CSK: variants seen among roughly 807,000 people sequenced by gnomAD.
CSK encodes C-terminal Src kinase, also known as tyrosine-protein kinase CSK.
A neutral mutation model predicts 62.3 loss-of-function variants in CSK; 7 were observed. The observed-to-expected ratio is 0.11, with a 90% confidence interval of 0.06 to 0.21. The LOEUF (loss-of-function observed/expected upper bound fraction) is 0.21. Among genes scored for constraint, CSK ranks in the 10% least tolerant of loss-of-function variants. The probability of loss-of-function intolerance (pLI) is 1.00; values close to 1 mark genes in which losing one functional copy is unlikely to be tolerated. For missense variants in CSK, 294 were observed against 613.5 expected (o/e 0.48, Z 5.50); for synonymous variants, 237 against 246.0 (o/e 0.96, Z 0.34).
Position 74,803,043 on chromosome 15 carries a change from C to G in CSK, c.*530C>G, listed in dbSNP as rs1367091459. ...TCGGTCGCCCCGTGTTTGCGCTTGA[C>G]CATGTTGCACTGTTTGCATGCGCCC... On this transcript the variant is annotated 3_prime_UTR_variant, in exon 13 of 13. Coordinates refer to ENST00000220003, the MANE Select transcript of CSK (RefSeq NM_004383.3). The G allele has an allele frequency of 6.4e-6, 1 of 155,158 alleles. No individual in the cohort carries two copies. The highest frequency in any genetic ancestry group is 2.4e-5 in the African/African-American group (1 of 41,464). 9.6% of individuals were successfully genotyped at this position (155,158 alleles called of 1,614,324 possible).
chr15:74,796,944 T>TTATG lies in CSK; in HGVS notation c.-65-1286_-65-1285insGTAT, dbSNP rs530757150. ...GTTAACATTTTATTTATTTATTTAT[T>TTATG]TATTCATTCATTTAGAGGCAGGGTC... On this transcript the variant is annotated intron_variant, in intron 1 of 12. Coordinates refer to ENST00000220003, the MANE Select transcript of CSK (RefSeq NM_004383.3). Among the ~76,000 whole-genome samples the TTATG allele has an allele frequency of 2.6e-5, 4 of 152,286 alleles. No homozygotes were observed. The South Asian group carries it at 8.3e-4, about 32-fold the overall frequency.
intron 1 of CSK, among the ~76,000 whole-genome samples, chr15:74,786,013 T>TTGTGTG (rs1555464578): frequency 1.3e-4 from 6 of 47,818 alleles, no homozygotes; most frequent in African/African-American, 1.3e-4. Context: ...TTTTTTTTTT[T>TTGTGTG]TGTGTGTGTG....
intron 1 of CSK, among the ~76,000 whole-genome samples, chr15:74,789,684 A>G (rs1567215385): frequency 1.3e-5 from 2 of 152,008 alleles, no homozygotes; most frequent in African/African-American, 4.8e-5. Context: ...GCTCTGTACC[A>G]CAGTTTGCAG....
rs1394693400 is a variant in CSK, at chr15:74,798,758, C to A, written c.129+30C>A. ...TCAGGTGACGCCCACCCCACCATCC[C>A]ACTGCTGGGCCTTCCCTCTGCAGGG... is the stretch of plus-strand genomic sequence containing the variant. On this transcript the variant is annotated intron_variant, in intron 3 of 12. Transcript: ENST00000220003. This position sits in a 1 kb window ranked among gnomAD's most constrained non-coding sequence, Gnocchi z 6.6. 1 of 1,608,018 alleles carries A rather than the reference C, an allele frequency of 6.2e-7. No homozygotes were observed. Among genetic ancestry groups the A allele is most frequent in the South Asian group, 1.1e-5 (1 of 90,790 alleles).
chr15:74,788,445 G>A (rs2063558205), intron 1 of CSK: 1 of 152,304 alleles, frequency 6.6e-6, no homozygotes, highest in African/African-American at 2.4e-5. Flanking sequence ...CTCTGTCAGA[G>A]ATCACCAGTC....
intron 1 of CSK, among the ~76,000 whole-genome samples, chr15:74,789,766 C>T (rs1490022785): frequency 6.6e-6 from 1 of 152,220 alleles, no homozygotes; most frequent in Non-Finnish European, 1.5e-5. Flanking sequence ...AGCTCCTGCT[C>T]CCCTCACCCA....
At position 74,799,365 on chromosome 15, in the gene CSK, C is replaced by T; in HGVS notation, c.336C>T (p.Tyr112=). 6.2e-7 allele frequency: 1 copy of T among 1,613,482 alleles called. No homozygotes were observed. ...GLFLVRESTN[Y]PGDYTLCVSC... The stretch of plus-strand genomic sequence containing the variant: ...TCCTGGTGCGGGAGAGCACCAACTA[C>T]CCCGGAGACTACACGCTGTGCGTGA... The change falls in exon 5 of 13, where the codon TAC becomes TAT. Residue 112 remains tyrosine, a synonymous_variant. Coordinates refer to ENST00000220003, the MANE Select transcript of CSK (RefSeq NM_004383.3).
In CSK at chr15:74,802,780, C is replaced by A. The variant is rs1322101011; in HGVS notation, c.*267C>A. The A allele has an allele frequency of 1.2e-5, 5 of 424,300 alleles. No homozygotes were observed. The highest frequency in any genetic ancestry group is 2.1e-5 in the Non-Finnish European group (5 of 240,180). 26.3% of individuals were successfully genotyped at this position (424,300 alleles called of 1,614,324 possible). On this transcript the variant is annotated 3_prime_UTR_variant, in exon 13 of 13. Transcript: ENST00000220003. ...ACGTCGGGCTTCCCTGGCCTCCCGCCACTCGCCTTCTTAGAGTTTTATTCC... is the reference window on the plus strand; with the variant it reads ...ACGTCGGGCTTCCCTGGCCTCCCGCAACTCGCCTTCTTAGAGTTTTATTCC...
rs759665126 is a variant in CSK, at chr15:74,802,018, G to A, written c.1105G>A (p.Val369Met). ...REKKFSTKSD[V>M]WSFGILLWEI... ...GCAGAAATTCTCCACTAAGTCTGAC[G>A]TGTGGAGTTTCGGAATCCTTCTCTG... The change falls in exon 12 of 13, where the codon GTG becomes ATG. Residue 369 changes from valine (V) to methionine (M), a missense_variant. By Grantham distance (21) the Val-to-Met change is conservative (BLOSUM62 1). This residue lies in a region of CSK where 26 missense variants were observed against 98.4 expected (regional missense o/e 0.26). Coordinates refer to ENST00000220003, the MANE Select transcript of CSK (RefSeq NM_004383.3). 7.4e-6 allele frequency: 12 copies of A among 1,614,008 alleles called. No homozygotes were observed. The African/African-American group carries it at 8.0e-5, about 11-fold the overall frequency.
At chr15:74,783,109 T>G (rs1039831117) in intron 1 of CSK, among the ~76,000 whole-genome samples, 1 of 152,186 alleles carries the variant, frequency 6.6e-6, no homozygotes, top group African/African-American at 2.4e-5. Context: ...TGCCCTGGCT[T>G]GCTTGGTTCT....
chr15:74,787,607 A>G (rs2063543687), intron 1 of CSK, among the ~76,000 whole-genome samples: 1 of 151,958 alleles, frequency 6.6e-6, no homozygotes, highest in Admixed American at 6.6e-5. Flanking sequence ...TTGAGGTGCT[A>G]AGATGAAGTC....
chr15:74,796,805 C>T (rs1460387838), intron 1 of CSK, among the ~76,000 whole-genome samples: 1 of 152,154 alleles, frequency 6.6e-6, no homozygotes, highest in African/African-American at 2.4e-5. Context: ...GCATTCCTTC[C>T]AGTCTCCCTG....
chr15:74,793,942 A>C (rs913098480), intron 1 of CSK, among the ~76,000 whole-genome samples: 3 of 152,128 alleles, frequency 2.0e-5, no homozygotes, highest in Non-Finnish European at 2.9e-5. Flanking sequence ...TTGGGGGCCC[A>C]GCCAGCCCTA....
chr15:74,802,928 G>A lies in CSK; in HGVS notation c.*415G>A. 1 of 187,622 alleles carries A rather than the reference G, an allele frequency of 5.3e-6. No individual in the cohort carries two copies. Among genetic ancestry groups the A allele is most frequent in the South Asian group, 9.1e-5 (1 of 10,986 alleles). The allele number at this position is 187,622 out of a possible 1,614,324, so 11.6% of individuals were successfully genotyped here. A position where few individuals can be genotyped will look rare whatever the true frequency, so the allele number is the denominator to read the frequency against. ...GTACGAATCTTATTTTTCCTGTCCTGCCCGTGAGGGTGGGGGGGACCGGGC... is the reference window on the plus strand; with the variant it reads ...GTACGAATCTTATTTTTCCTGTCCTACCCGTGAGGGTGGGGGGGACCGGGC... On this transcript the variant is annotated 3_prime_UTR_variant, in exon 13 of 13. Transcript: ENST00000220003.
chr15:74,801,711 A>G lies in CSK; in HGVS notation c.904A>G (p.Met302Val). The change falls in exon 11 of 13, where the codon ATG becomes GTG. Residue 302 changes from methionine (M) to valine (V), a missense_variant. Met to Val is a conservative substitution (Grantham distance 21). Transcript: ENST00000220003. ...TACCCCCAGAGATGTCTGCGAGGCC[A>G]TGGAATACCTGGAGGGCAACAATTT... is the stretch of plus-strand genomic sequence containing the variant. ...LKFSLDVCEA[M>V]EYLEGNNFVH... The G allele has an allele frequency of 6.2e-7, 1 of 1,613,588 alleles. No homozygotes were observed. The highest frequency in any genetic ancestry group is 8.5e-7 in the Non-Finnish European group (1 of 1,179,638).
At position 74,786,002 on chromosome 15, in the gene CSK, CTT is replaced by C. The variant is rs536939856; in HGVS notation, c.-66+3293_-66+3294del. ...AGGCCTCTTCTCTCTCTCTCTCTCTCTTTTTTTTTTTTGTGTGTGTGTGTGTG... is the reference window on the plus strand; with the variant it reads ...AGGCCTCTTCTCTCTCTCTCTCTCTCTTTTTTTTTTGTGTGTGTGTGTGTG... On this transcript the variant is annotated intron_variant, in intron 1 of 12. Coordinates refer to ENST00000220003, the MANE Select transcript of CSK (RefSeq NM_004383.3). 1.1e-3 allele frequency among the ~76,000 whole-genome samples: 79 copies of C among 73,632 alleles called. 4 individuals carry two copies. Among genetic ancestry groups the C allele is most frequent in the South Asian group, 3.5e-3 (7 of 2,026 alleles). The allele number at this position is 73,632 out of a possible 152,430, so 48.3% of individuals were successfully genotyped here. A position where few individuals can be genotyped will look rare whatever the true frequency, so the allele number is the denominator to read the frequency against.
chr15:74,789,910 C>T (rs1404946977), intron 1 of CSK, among the ~76,000 whole-genome samples: 1 of 152,222 alleles, frequency 6.6e-6, no homozygotes, highest in Non-Finnish European at 1.5e-5. Flanking sequence ...TTCCCAGCAT[C>T]CAGCCCTGGC....
intron 1 of CSK, among the ~76,000 whole-genome samples, chr15:74,786,441 G>C (rs1336369907): frequency 6.6e-6 from 1 of 152,150 alleles, no homozygotes. Flanking sequence ...CAGGCATCCT[G>C]AGCCCCAGCC....
chr15:74,786,267 C>T (rs565444756), intron 1 of CSK, among the ~76,000 whole-genome samples: 345 of 152,122 alleles, frequency 2.3e-3, no homozygotes, highest in Middle Eastern at 0.014. Flanking sequence ...GTGATCCACC[C>T]ACCTCGGCCT....
Sources: gnomAD v4.1 joint callset for allele counts (sites outside exome capture counted in the v4.1 genomes callset) on GRCh38, gnomAD v4.1.1 for gene constraint, gnomAD v4.1.1 regional missense constraint, Gnocchi (gnomAD v3.1) non-coding constraint, MANE v1.5 for transcripts, NCBI Gene and HGNC (gene_info 2026-07-23, HGNC 2026-07-21) for gene names.